Variants in ZNF215 observed in about 807,000 individuals in gnomAD.
ZNF215 encodes the protein BWSCR2-associated zinc finger protein 2.
Under a neutral mutation model 27.2 loss-of-function variants are expected in ZNF215, and 24 were observed. That is an observed-to-expected ratio of 0.88 (90% CI 0.64 to 1.24). The LOEUF (loss-of-function observed/expected upper bound fraction) is 1.24, where lower values mean the gene tolerates loss of function less well. ZNF215 is among the 50% of genes most tolerant of loss of function. ZNF215 has a pLI of 0.00. For missense variants in ZNF215, 675 were observed against 605.7 expected (o/e 1.11, Z -1.20); for synonymous variants, 210 against 204.0 (o/e 1.03, Z -0.25).
intron 5 of ZNF215, among the ~76,000 whole-genome samples, chr11:6,983,586 A>T (rs192179283): frequency 6.6e-6 from 1 of 152,348 alleles, no homozygotes; most frequent in East Asian, 1.9e-4. Context: ...CAAATGTATC[A>T]AAGTTTTAAA....
chr11:6,972,858 CTG>C (rs1331408120), intron 5 of ZNF215, among the ~76,000 whole-genome samples: 1 of 152,110 alleles, frequency 6.6e-6, no homozygotes, highest in Non-Finnish European at 1.5e-5. Context: ...GAAATTCAGA[CTG>C]TGCATTTCCA....
At chr11:6,993,075 A>G (rs1416845044), downstream of ZNF215, among the ~76,000 whole-genome samples, 1 of 152,234 alleles carries the variant, frequency 6.6e-6, no homozygotes, top group Non-Finnish European at 1.5e-5. Flanking sequence ...AACTTTTTAA[A>G]AACAAAGTAC....
chr11:6,947,429 C>T (rs981085322), intron 6 of ZNF215, among the ~76,000 whole-genome samples: 5 of 152,028 alleles, frequency 3.3e-5, no homozygotes, highest in Admixed American at 3.3e-4. Context: ...GTGGTGCATA[C>T]CTGTAATCGT....
intron 6 of ZNF215, among the ~76,000 whole-genome samples, chr11:6,953,685 C>T (rs1309937119): frequency 6.6e-6 from 1 of 152,158 alleles, no homozygotes; most frequent in African/African-American, 2.4e-5. Flanking sequence ...TTTGAATTTC[C>T]TCCTGTAGCT....
chr11:6,932,325 T>C lies in ZNF215; in HGVS notation c.53T>C (p.Leu18Pro). 2 of 1,614,170 alleles carry C rather than the reference T, an allele frequency of 1.2e-6. No individual in the cohort carries two copies. Among genetic ancestry groups the C allele is most frequent in the Non-Finnish European group, 1.7e-6 (2 of 1,180,044 alleles). ...ATCTCAAAACCTCGAAACCTGTCTC[T>C]ACGTGAACAAAGAGAGGTTCTGAGA... ...MAISKPRNLS[L>P]REQREVLRAD... Residue 18 changes from leucine (L) to proline (P), a missense_variant, in exon 3 of 7, where the codon CTA becomes CCA. Coordinates refer to ENST00000278319, the MANE Select transcript of ZNF215 (RefSeq NM_013250.4).
intron 5 of ZNF215, among the ~76,000 whole-genome samples, chr11:6,973,338 A>G (rs1201410203): frequency 1.6e-4 from 25 of 152,278 alleles, no homozygotes; most frequent in African/African-American, 4.6e-4. Flanking sequence ...GCTATTGTGA[A>G]TAGTGCCACA....
In ZNF215 at chr11:6,926,602, T is replaced by C. The variant is rs1331270299; in HGVS notation, c.-409T>C. The C allele has an allele frequency of 6.6e-6, 1 of 152,222 alleles. No individual in the cohort carries two copies. Among genetic ancestry groups the C allele is most frequent in the Non-Finnish European group, 1.5e-5 (1 of 68,070 alleles). The allele number at this position is 152,222 out of a possible 1,614,324, so 9.4% of individuals were successfully genotyped here. A position where few individuals can be genotyped will look rare whatever the true frequency, so the allele number is the denominator to read the frequency against. ...TTGAGGGTTCGGCGAGGTCAGGGATTCCTAGTTGCAGCGTGATTACCAACG... is the reference window on the plus strand; with the variant it reads ...TTGAGGGTTCGGCGAGGTCAGGGATCCCTAGTTGCAGCGTGATTACCAACG... On this transcript the variant is annotated 5_prime_UTR_variant, in exon 1 of 7. Coordinates refer to ENST00000278319, the MANE Select transcript of ZNF215 (RefSeq NM_013250.4).
chr11:6,958,994 C>T (rs1850460312), downstream of ZNF215, among the ~76,000 whole-genome samples: 1 of 152,292 alleles, frequency 6.6e-6, no homozygotes, highest in African/African-American at 2.4e-5. Flanking sequence ...AGTCCACTGA[C>T]TCAAATGTTA....
chr11:6,939,634 G>A (rs1321223676), intron 3 of ZNF215, among the ~76,000 whole-genome samples: 1 of 152,180 alleles, frequency 6.6e-6, no homozygotes, highest in Non-Finnish European at 1.5e-5. Context: ...AAGGGAGAAG[G>A]AAGAGTCTGT....
At chr11:6,944,216 C>T (rs1849736338) in intron 6 of ZNF215, among the ~76,000 whole-genome samples, 1 of 151,988 alleles carries the variant, frequency 6.6e-6, no homozygotes, top group African/African-American at 2.4e-5. Flanking sequence ...GCGGAGCTTG[C>T]AGTGAGCCAA....
At chr11:6,984,061 G>T (rs1433262569) in intron 5 of ZNF215, 2 of 379,690 alleles carry the variant, frequency 5.3e-6, no homozygotes, top group Non-Finnish European at 1.0e-5. Context: ...TATCTTTGGG[G>T]GTATGAAGTG....
intron 6 of ZNF215, among the ~76,000 whole-genome samples, chr11:6,952,197 A>T (rs1168998364): frequency 6.6e-6 from 1 of 152,094 alleles, no homozygotes; most frequent in Admixed American, 6.6e-5. Context: ...GTGCTGAAAA[A>T]AATGTACATT....
chr11:6,972,413 T>C (rs1288020256), intron 5 of ZNF215, among the ~76,000 whole-genome samples: 1 of 151,932 alleles, frequency 6.6e-6, no homozygotes, highest in Non-Finnish European at 1.5e-5. Flanking sequence ...GGAGACTTTT[T>C]TTTTTTTTTA....
chr11:6,945,566 A>G (rs1849788982), intron 6 of ZNF215, among the ~76,000 whole-genome samples: 1 of 152,190 alleles, frequency 6.6e-6, no homozygotes, highest in Non-Finnish European at 1.5e-5. Flanking sequence ...GCTAACTCCA[A>G]TAGATATTTT....
chr11:6,934,779 CAG>C (rs1003357709), intron 3 of ZNF215, among the ~76,000 whole-genome samples: 2 of 152,148 alleles, frequency 1.3e-5, no homozygotes, highest in African/African-American at 2.4e-5. Flanking sequence ...ATCACATCTG[CAG>C]AGTCTCTCTT....
intron 2 of ZNF215, among the ~76,000 whole-genome samples, chr11:6,930,869 A>G (rs1218868479): frequency 2.0e-5 from 3 of 152,244 alleles, no homozygotes; most frequent in South Asian, 2.1e-4. Context: ...TCATGTATCT[A>G]TGACTCCAAA....
chr11:6,985,161 C>G (rs1352354952), downstream of ZNF215, among the ~76,000 whole-genome samples: 1 of 152,150 alleles, frequency 6.6e-6, no homozygotes, highest in Non-Finnish European at 1.5e-5. Flanking sequence ...AAAATACTAA[C>G]AAACCAAATC....
intron 3 of ZNF215, among the ~76,000 whole-genome samples, chr11:6,934,563 A>G (rs189896851): frequency 6.6e-6 from 1 of 152,270 alleles, no homozygotes; most frequent in Admixed American, 6.5e-5. Context: ...CCTGTCTTCA[A>G]AGCTAGCAAC....
downstream of ZNF215, among the ~76,000 whole-genome samples, chr11:6,993,365 C>T (rs1020516915): frequency 6.6e-6 from 1 of 152,158 alleles, no homozygotes; most frequent in Non-Finnish European, 1.5e-5. Flanking sequence ...TTCATTTTAG[C>T]CTCTGATCCT....
Sources: gnomAD v4.1 joint callset for allele counts (sites outside exome capture counted in the v4.1 genomes callset) on GRCh38, gnomAD v4.1.1 for gene constraint, MANE v1.5 for transcripts, NCBI Gene and HGNC (gene_info 2026-07-23, HGNC 2026-07-21) for gene names.